The following MEGF10 variants were observed in gnomAD, a reference collection of about 807,000 sequenced individuals.
The protein encoded by MEGF10 is multiple EGF like domains 10.
A neutral mutation model predicts 147.5 loss-of-function variants in MEGF10; 86 were observed. That is an observed-to-expected ratio of 0.58 (90% CI 0.49 to 0.70). The LOEUF is 0.70. MEGF10 is among the 30% of genes least tolerant of loss of function. The pLI, the probability that MEGF10 is intolerant of heterozygous loss-of-function variation, is 0.00. For missense variants in MEGF10, 1,329 were observed against 1,487.3 expected, an observed-to-expected ratio of 0.89 and a Z score of 1.75; for synonymous variants, 478 against 525.5, an observed-to-expected ratio of 0.91 and a Z score of 1.24.
intron 1 of MEGF10, among the ~76,000 whole-genome samples, chr5:127,308,679 C>T (rs955585538): frequency 6.9e-6 from 1 of 145,020 alleles, no homozygotes; most frequent in African/African-American, 2.6e-5. Flanking sequence ...CACATGGACA[C>T]AGGAAGGGGA....
chr5:127,320,246 C>T (rs566998163), intron 1 of MEGF10, among the ~76,000 whole-genome samples: 1 of 152,302 alleles, frequency 6.6e-6, no homozygotes, highest in African/African-American at 2.4e-5. Flanking sequence ...TTACCCCTGT[C>T]ATTGTCTCCA....
At chr5:127,339,588 A>C (rs1761602133) in intron 3 of MEGF10, among the ~76,000 whole-genome samples, 1 of 152,170 alleles carries the variant, frequency 6.6e-6, no homozygotes, top group Admixed American at 6.6e-5. Context: ...GACTCAATTT[A>C]GGCTAACTTA....
At chr5:127,348,947 T>C (rs560994153) in intron 4 of MEGF10, among the ~76,000 whole-genome samples, 1 of 152,266 alleles carries the variant, frequency 6.6e-6, no homozygotes, top group South Asian at 2.1e-4. Flanking sequence ...TGTTAAAATA[T>C]AGGCTGGATG....
chr5:127,278,100 A>T, the MEGF10 span, among the ~76,000 whole-genome samples: 1 of 152,202 alleles, frequency 6.6e-6, no homozygotes, highest in East Asian at 1.9e-4. Flanking sequence ...TAGCTAGAAA[A>T]GAAAAGTGAT....
intron 1 of MEGF10, among the ~76,000 whole-genome samples, chr5:127,306,794 G>A (rs1337565777): frequency 2.0e-5 from 3 of 152,204 alleles, no homozygotes; most frequent in Non-Finnish European, 4.4e-5. Context: ...CTTTTAGGAG[G>A]TTTCGCTTCA....
At chr5:127,354,934 C>T (rs981082588) in intron 4 of MEGF10, among the ~76,000 whole-genome samples, 7 of 152,090 alleles carry the variant, frequency 4.6e-5, no homozygotes, top group Admixed American at 1.3e-4. Context: ...AAATTGGGCA[C>T]GGCTTCTGGG....
At chr5:127,446,421 T>C (rs1049302621) in intron 20 of MEGF10, among the ~76,000 whole-genome samples, 1 of 152,188 alleles carries the variant, frequency 6.6e-6, no homozygotes, top group Non-Finnish European at 1.5e-5. Flanking sequence ...TAGTAGTGCA[T>C]TTTCAGTGCA....
At chr5:127,366,380 T>C (rs1762653692) in intron 4 of MEGF10, among the ~76,000 whole-genome samples, 1 of 152,152 alleles carries the variant, frequency 6.6e-6, no homozygotes, top group South Asian at 2.1e-4. Flanking sequence ...TATAAGCGAG[T>C]CTAATGTGTG....
At chr5:127,300,901 T>A (rs1002721270) in intron 1 of MEGF10, among the ~76,000 whole-genome samples, 2 of 152,200 alleles carry the variant, frequency 1.3e-5, no homozygotes, top group African/African-American at 4.8e-5. Context: ...CTCTTTAGAA[T>A]CTAAAACAAA....
chr5:127,252,853 C>T, the MEGF10 span, among the ~76,000 whole-genome samples: 1 of 151,806 alleles, frequency 6.6e-6, no homozygotes, highest in Non-Finnish European at 1.5e-5. Context: ...GACAAATGCT[C>T]TTAATATCTA....
chr5:127,321,058 G>T (rs1375173739), intron 1 of MEGF10, among the ~76,000 whole-genome samples: 1 of 152,198 alleles, frequency 6.6e-6, no homozygotes, highest in Non-Finnish European at 1.5e-5. Flanking sequence ...ACAATACACA[G>T]GTGAAGTGTT....
chr5:127,439,775 G>T (rs1366654177), intron 17 of MEGF10, among the ~76,000 whole-genome samples: 1 of 152,164 alleles, frequency 6.6e-6, no homozygotes, highest in Non-Finnish European at 1.5e-5. Flanking sequence ...GTGTGACTTA[G>T]GGTACTTGGG....
intron 5 of MEGF10, among the ~76,000 whole-genome samples, chr5:127,376,315 G>A (rs1410088756): frequency 2.6e-5 from 4 of 152,142 alleles, no homozygotes; most frequent in African/African-American, 9.7e-5. Flanking sequence ...CTGAGAAGAT[G>A]GTGAAAGAAA....
chr5:127,234,929 C>A, the MEGF10 span, among the ~76,000 whole-genome samples: 317 of 152,110 alleles, frequency 2.1e-3, 1 homozygote, highest in South Asian at 0.016. Context: ...CTGCAACCTC[C>A]ACCTCCCTGG....
intron 1 of MEGF10, among the ~76,000 whole-genome samples, chr5:127,311,855 A>G (rs1170050269): frequency 6.6e-6 from 1 of 152,120 alleles, no homozygotes; most frequent in East Asian, 1.9e-4. Context: ...AATTCCTGAA[A>G]TCTCGTTTGG....
chr5:127,453,645 T>G lies in MEGF10; in HGVS notation c.2981-921T>G, dbSNP rs953080283. Reference sequence around the variant, plus strand: ...CCTATGGCCAATAAGTTATAACATGTAATTCCTTTGTCTCCTAATCTATAG... The same window carrying G: ...CCTATGGCCAATAAGTTATAACATGGAATTCCTTTGTCTCCTAATCTATAG... On this transcript the variant is annotated intron_variant, in intron 22 of 24. Transcript: ENST00000503335. 4.6e-5 allele frequency among the ~76,000 whole-genome samples: 7 copies of G among 152,352 alleles called. No individual in the cohort carries two copies. In the East Asian group the frequency reaches 1.3e-3, roughly 29 times the overall value.
At chr5:127,253,794 G>GA in the MEGF10 span, among the ~76,000 whole-genome samples, 3 of 151,846 alleles carry the variant, frequency 2.0e-5, no homozygotes, top group African/African-American at 7.2e-5. Flanking sequence ...TTTGAGAATA[G>GA]AAAAGAAGTC....
At chr5:127,371,191 CTGTGTGTGTG>C (rs10591122) in intron 5 of MEGF10, among the ~76,000 whole-genome samples, 2,597 of 126,236 alleles carry the variant, frequency 0.021, 57 homozygotes, top group African/African-American at 0.064. Context: ...GGGACTGGGA[CTGTGTGTGTG>C]TGTGTGTGTG....
intron 8 of MEGF10, among the ~76,000 whole-genome samples, chr5:127,405,704 G>T (rs1764296272): frequency 6.6e-6 from 1 of 151,988 alleles, no homozygotes; most frequent in South Asian, 2.1e-4. Flanking sequence ...TATTGGAATG[G>T]CTTCAGTATA....
Sources: allele counts gnomAD v4.1 joint callset (sites outside exome capture counted in the v4.1 genomes callset), GRCh38; gene constraint gnomAD v4.1.1; transcripts MANE v1.5; gene names NCBI Gene and HGNC (gene_info 2026-07-23, HGNC 2026-07-21).